The following IMPA1 variants were observed in gnomAD, a reference collection of about 807,000 sequenced individuals.
IMPA1 encodes D-galactose 1-phosphate phosphatase.
Under a neutral mutation model 34.9 loss-of-function variants are expected in IMPA1, and 21 were observed. That is an observed-to-expected ratio of 0.60 (90% CI 0.43 to 0.87). IMPA1 has a LOEUF of 0.87. Ranked by LOEUF, IMPA1 falls within the 40% of genes least tolerant of loss-of-function variation. The pLI, the probability that IMPA1 is intolerant of heterozygous loss-of-function variation, is 0.00. For synonymous variants in IMPA1, 95 were observed against 104.4 expected (o/e 0.91, Z 0.55); for missense variants, 299 against 336.4 (o/e 0.89, Z 0.87).
At chr8:81,680,340 C>A (rs1347577173) in intron 3 of IMPA1, among the ~76,000 whole-genome samples, 1 of 152,122 alleles carries the variant, frequency 6.6e-6, no homozygotes, top group African/African-American at 2.4e-5. Flanking sequence ...TCCTGTGCCA[C>A]CTGCTCTGGA....
At chr8:81,684,813 A>T (rs1242659182) in intron 1 of IMPA1, among the ~76,000 whole-genome samples, 2 of 142,340 alleles carry the variant, frequency 1.4e-5, no homozygotes, top group African/African-American at 5.1e-5. Flanking sequence ...TACTATGTGG[A>T]GTATATATAC....
chr8:81,658,083 C>T lies in IMPA1; in HGVS notation c.*1268G>A, dbSNP rs1806568455. On this transcript the variant is annotated 3_prime_UTR_variant, in exon 9 of 9. Coordinates refer to ENST00000256108, the MANE Select transcript of IMPA1 (RefSeq NM_005536.4). ...AGTACAAATAATTATAGCAGTCAAACCTTAGTATCACACATACTTAATATA... is the reference window on the plus strand; with the variant it reads ...AGTACAAATAATTATAGCAGTCAAATCTTAGTATCACACATACTTAATATA... The T allele has an allele frequency of 6.6e-6, 1 of 151,796 alleles. No homozygotes were observed. The highest frequency in any genetic ancestry group is 1.5e-5 in the Non-Finnish European group (1 of 68,024). The allele number at this position is 151,796 out of a possible 1,614,324, so 9.4% of individuals were successfully genotyped here. A position where few individuals can be genotyped will look rare whatever the true frequency, so the allele number is the denominator to read the frequency against.
At chr8:81,686,157 G>A in intron 1 of IMPA1, 95 bp downstream of exon 1, 1 of 896,250 alleles carries the variant, frequency 1.1e-6, no homozygotes, top group Non-Finnish European at 1.4e-6. Flanking sequence ...CGCGCACGGC[G>A]CTCGCGCCCG....
intron 4 of IMPA1, among the ~76,000 whole-genome samples, chr8:81,676,486 C>A (rs951535950): frequency 1.3e-5 from 2 of 152,088 alleles, no homozygotes; most frequent in African/African-American, 4.8e-5. Flanking sequence ...TACACACACA[C>A]CCTCCCCCCA....
chr8:81,669,451 T>TG (rs1806927795), intron 7 of IMPA1, among the ~76,000 whole-genome samples: 1 of 152,246 alleles, frequency 6.6e-6, no homozygotes, highest in Non-Finnish European at 1.5e-5. Context: ...AGGTGGTACA[T>TG]GCAGTCAAAA....
chr8:81,657,158 G>T lies in IMPA1; in HGVS notation c.*2193C>A, dbSNP rs1039680115. 1.3e-4 allele frequency among the ~76,000 whole-genome samples: 20 copies of T among 152,092 alleles called. No individual in the cohort carries two copies. The highest frequency in any genetic ancestry group is 3.9e-4 in the Admixed American group (6 of 15,266). ...GACACAAAATATGCAACTGCATTTA[G>T]AATAAACAGATGGAAAAGCTATTGT... On this transcript the variant is annotated 3_prime_UTR_variant, in exon 9 of 9. Coordinates refer to ENST00000256108, the MANE Select transcript of IMPA1 (RefSeq NM_005536.4).
chr8:81,680,590 G>A (rs1053351842), intron 3 of IMPA1, 60 bp downstream of exon 3: 25 of 1,320,390 alleles, frequency 1.9e-5, no homozygotes, highest in Non-Finnish European at 2.6e-5. Context: ...ACTCTCATAT[G>A]CAGAACCCCA....
At position 81,679,117 on chromosome 8, in the gene IMPA1, A is replaced by T. The variant is rs904297464; in HGVS notation, c.302+9T>A. On this transcript the variant is annotated intron_variant, in intron 4 of 8. Coordinates refer to ENST00000256108, the MANE Select transcript of IMPA1 (RefSeq NM_005536.4). ...AAAGAGTAATTATATTAGACATTTT[A>T]AAACATACCTATGTACAAAGTTAGT... The T allele has an allele frequency of 6.5e-7, 1 of 1,550,316 alleles. No individual in the cohort carries two copies. Among genetic ancestry groups the T allele is most frequent in the African/African-American group, 1.4e-5 (1 of 73,700 alleles).
Position 81,657,145 on chromosome 8 carries a change from G to GC in IMPA1, c.*2205dup, listed in dbSNP as rs1806541052. Reference sequence around the variant, plus strand: ...TAAAGAAATTTCAGACACAAAATATGCAACTGCATTTAGAATAAACAGATG... The same window carrying GC: ...TAAAGAAATTTCAGACACAAAATATGCCAACTGCATTTAGAATAAACAGATG... On this transcript the variant is annotated 3_prime_UTR_variant, in exon 9 of 9. Transcript: ENST00000256108. Among the ~76,000 whole-genome samples the GC allele has an allele frequency of 6.6e-6, 1 of 152,060 alleles. No individual in the cohort carries two copies. Among genetic ancestry groups the GC allele is most frequent in the Admixed American group, 6.6e-5 (1 of 15,264 alleles).
intron 6 of IMPA1, among the ~76,000 whole-genome samples, chr8:81,671,258 A>G (rs1394397358): frequency 2.0e-5 from 3 of 152,212 alleles, no homozygotes; most frequent in African/African-American, 7.2e-5. Flanking sequence ...CTGAAAAAGT[A>G]CATAATGTAA....
chr8:81,686,076 C>A (rs2278203), intron 1 of IMPA1, 176 bp downstream of exon 1: 39,892 of 987,340 alleles, frequency 0.04, 1,315 homozygotes, highest in Admixed American at 0.18. Flanking sequence ...TGTTCCCGGT[C>A]GCCCAGGGCA....
intron 7 of IMPA1, among the ~76,000 whole-genome samples, chr8:81,664,873 C>CA (rs1333424830): frequency 4.4e-5 from 5 of 113,192 alleles, no homozygotes; most frequent in Non-Finnish European, 7.6e-5. Context: ...ATAATAATAA[C>CA]AAAAAAAAGA....
In IMPA1 at chr8:81,659,176, A is replaced by T; in HGVS notation, c.*175T>A. On this transcript the variant is annotated 3_prime_UTR_variant, in exon 9 of 9. Coordinates refer to ENST00000256108, the MANE Select transcript of IMPA1 (RefSeq NM_005536.4). ...AAAATTTTTTAAATCAGTGAAACAA[A>T]CATTATGTCAATTCTTGCAAACCTA... is the stretch of plus-strand genomic sequence containing the variant. 1 of 596,686 alleles carries T rather than the reference A, an allele frequency of 1.7e-6. No individual in the cohort carries two copies. Among genetic ancestry groups the T allele is most frequent in the Non-Finnish European group, 3.0e-6 (1 of 338,890 alleles). 37.0% of individuals were successfully genotyped at this position (596,686 alleles called of 1,614,324 possible).
chr8:81,670,883 G>T, intron 7 of IMPA1, 56 bp downstream of exon 7: 2 of 813,238 alleles, frequency 2.5e-6, no homozygotes, highest in Non-Finnish European at 3.9e-6. Flanking sequence ...AAAAAAAGGT[G>T]TGTGCACACA....
Position 81,685,774 on chromosome 8 carries a change from C to G in IMPA1, c.-25+478G>C, listed in dbSNP as rs1167504878. 1.3e-6 allele frequency: 2 copies of G among 1,521,066 alleles called. No individual in the cohort carries two copies. Among genetic ancestry groups the G allele is most frequent in the Admixed American group, 2.1e-5 (1 of 47,894 alleles). The allele number at this position is 1,521,066 out of a possible 1,614,324, so 94.2% of individuals were successfully genotyped here. Reference sequence around the variant, plus strand: ...CGTAGTTTACTCACTTTCATTTTCCCAAAGCCATAAACACCTGAACTGTTT... The same window carrying G: ...CGTAGTTTACTCACTTTCATTTTCCGAAAGCCATAAACACCTGAACTGTTT... On this transcript the variant is annotated intron_variant, in intron 1 of 8. Transcript: ENST00000256108.
Position 81,671,038 on chromosome 8 carries a change from T to C in IMPA1, c.467A>G (p.Lys156Arg), listed in dbSNP as rs374177106. Reference sequence around the variant, plus strand: ...GCCCAACTCAGTCACCAAGAGAGATTTGGTAATATCTAAAAAGAAAGTGTT... The same window carrying C: ...GCCCAACTCAGTCACCAAGAGAGATCTGGTAATATCTAAAAAGAAAGTGTT... ...LQVSQQEDIT[K>R]SLLVTELGSS... Residue 156 changes from lysine (K) to arginine (R), a missense_variant, in exon 7 of 9, where the codon AAA becomes AGA. Lys to Arg is a conservative substitution (Grantham distance 26). Coordinates refer to ENST00000256108, the MANE Select transcript of IMPA1 (RefSeq NM_005536.4). 8.8e-6 allele frequency: 13 copies of C among 1,480,372 alleles called. No individual in the cohort carries two copies. The highest frequency in any genetic ancestry group is 2.9e-5 in the African/African-American group (2 of 67,870). 91.7% of individuals were successfully genotyped at this position (1,480,372 alleles called of 1,614,324 possible).
chr8:81,661,411 A>G (rs1486307604), intron 7 of IMPA1, among the ~76,000 whole-genome samples: 1 of 152,258 alleles, frequency 6.6e-6, no homozygotes, highest in Non-Finnish European at 1.5e-5. Flanking sequence ...TATCACTCAT[A>G]ATGGGACAAA....
intron 1 of IMPA1, chr8:81,685,810 C>T (rs1231232212): frequency 2.6e-6 from 4 of 1,546,936 alleles, no homozygotes; most frequent in Non-Finnish European, 3.5e-6. Flanking sequence ...CCTGCTGTTT[C>T]TGTCCTGGTC....
chr8:81,683,569 A>G (rs1807365875), intron 1 of IMPA1, among the ~76,000 whole-genome samples: 1 of 152,172 alleles, frequency 6.6e-6, no homozygotes, highest in South Asian at 2.1e-4. Flanking sequence ...CAGTCTACTG[A>G]AACAGGGAGC....
Sources: allele counts gnomAD v4.1 joint callset (sites outside exome capture counted in the v4.1 genomes callset), GRCh38; gene constraint gnomAD v4.1.1; transcripts MANE v1.5; gene names NCBI Gene and HGNC (gene_info 2026-07-23, HGNC 2026-07-21).